The following TUSC3 variants were observed in gnomAD, a reference collection of about 807,000 sequenced individuals.
TUSC3 encodes the protein dolichyl-diphosphooligosaccharide--protein glycosyltransferase subunit TUSC3.
TUSC3 carries 45 observed loss-of-function variants against 44.8 expected under a neutral mutation model. The observed-to-expected ratio is 1.00, with a 90% CI of 0.79 to 1.29. The LOEUF (loss-of-function observed/expected upper bound fraction) is 1.29, where lower values mean the gene tolerates loss of function less well. Ranked by LOEUF, TUSC3 falls within the 50% of genes most tolerant of loss-of-function variation. The pLI is 0.00. For synonymous variants in TUSC3, 212 were observed against 152.9 expected, an observed-to-expected ratio of 1.39 and a Z score of -2.85; for missense variants, 519 against 437.9, an observed-to-expected ratio of 1.19 and a Z score of -1.65.
the TUSC3 span, among the ~76,000 whole-genome samples, chr8:15,822,603 T>C: frequency 3.9e-5 from 6 of 152,128 alleles, no homozygotes; most frequent in African/African-American, 1.2e-4. Flanking sequence ...AATGAAGATA[T>C]AGAAGAGAAG....
At chr8:15,772,373 T>C in the TUSC3 span, among the ~76,000 whole-genome samples, 1 of 152,020 alleles carries the variant, frequency 6.6e-6, no homozygotes, top group Admixed American at 6.6e-5. Context: ...CTTGCGGAAA[T>C]AAAAAGGATT....
At chr8:15,564,927 G>A (rs966364549) in intron 1 of TUSC3, among the ~76,000 whole-genome samples, 2 of 152,150 alleles carry the variant, frequency 1.3e-5, no homozygotes, top group Non-Finnish European at 2.9e-5. Context: ...GTTCTTTACA[G>A]AGAGCTGAGG....
chr8:15,469,421 C>T (rs1800455724), intron 1 of TUSC3, among the ~76,000 whole-genome samples: 4 of 152,088 alleles, frequency 2.6e-5, no homozygotes. Flanking sequence ...TATCACATGT[C>T]ATCATGAAAA....
intron 6 of TUSC3, among the ~76,000 whole-genome samples, chr8:15,706,622 G>T (rs949316539): frequency 6.6e-6 from 1 of 151,942 alleles, no homozygotes; most frequent in Non-Finnish European, 1.5e-5. Flanking sequence ...TATCAATTTC[G>T]TGTAGCTCAT....
intron 1 of TUSC3, among the ~76,000 whole-genome samples, chr8:15,607,820 A>C (rs1413978964): frequency 6.6e-6 from 1 of 152,196 alleles, no homozygotes; most frequent in Non-Finnish European, 1.5e-5. Flanking sequence ...ACTATATGCT[A>C]TTAAAAATGT....
chr8:15,492,528 T>G (rs967681640), intron 2 of TUSC3, among the ~76,000 whole-genome samples: 6 of 152,306 alleles, frequency 3.9e-5, no homozygotes, highest in Admixed American at 2.6e-4. Context: ...ACTGAAGACT[T>G]GAGGTGGTAA....
intron 9 of TUSC3, among the ~76,000 whole-genome samples, chr8:15,752,944 T>G (rs576336369): frequency 6.6e-6 from 1 of 152,064 alleles, no homozygotes. Flanking sequence ...AAAACTTCCT[T>G]ATTCTTGAAC....
upstream of TUSC3, among the ~76,000 whole-genome samples, chr8:15,539,783 G>A (rs1211475820): frequency 5.3e-5 from 8 of 152,140 alleles, no homozygotes; most frequent in Admixed American, 5.2e-4. Context: ...GAATGAAGTG[G>A]AGTCTAGGTT....
At chr8:15,619,237 T>C (rs1805133337) in intron 1 of TUSC3, among the ~76,000 whole-genome samples, 1 of 152,220 alleles carries the variant, frequency 6.6e-6, no homozygotes, top group Admixed American at 6.5e-5. Flanking sequence ...TTTATTGTTA[T>C]TCCAGAACAT....
intron 3 of TUSC3, among the ~76,000 whole-genome samples, chr8:15,658,459 G>C (rs1400374156): frequency 6.6e-6 from 1 of 151,966 alleles, no homozygotes; most frequent in African/African-American, 2.4e-5. Flanking sequence ...TGTATCGTTT[G>C]CTTGATATCA....
rs967490278 is a variant in TUSC3, at chr8:15,609,562, G to C, written c.139-13518G>C. 2.0e-5 allele frequency among the ~76,000 whole-genome samples: 3 copies of C among 152,014 alleles called. No homozygotes were observed. In the South Asian group the frequency reaches 6.2e-4, roughly 32 times the overall value. On this transcript the variant is annotated intron_variant, in intron 1 of 10. Transcript: ENST00000503731. Reference sequence around the variant, plus strand: ...AAGAAAAATGGTGACAGAAGCTAATGCAGTGGTGGAAAAAAAAATGGGAAG... The same window carrying C: ...AAGAAAAATGGTGACAGAAGCTAATCCAGTGGTGGAAAAAAAAATGGGAAG...
chr8:15,685,203 G>C (rs1316189912), intron 6 of TUSC3, among the ~76,000 whole-genome samples: 2 of 152,068 alleles, frequency 1.3e-5, no homozygotes, highest in African/African-American at 2.4e-5. Flanking sequence ...TGGGGGTCTT[G>C]GGAAACCTGT....
intron 2 of TUSC3, among the ~76,000 whole-genome samples, chr8:15,488,133 C>G (rs1408075835): frequency 6.6e-6 from 1 of 152,040 alleles, no homozygotes; most frequent in Non-Finnish European, 1.5e-5. Context: ...TAAGTCCCCT[C>G]TTTATTGAAG....
intron 1 of TUSC3, among the ~76,000 whole-genome samples, chr8:15,589,347 A>G (rs1253912874): frequency 1.3e-5 from 2 of 152,194 alleles, no homozygotes; most frequent in African/African-American, 2.4e-5. Context: ...AGATCCTGAA[A>G]TGATCCATAC....
chr8:15,811,201 A>T, the TUSC3 span, among the ~76,000 whole-genome samples: 1 of 152,342 alleles, frequency 6.6e-6, no homozygotes, highest in African/African-American at 2.4e-5. Context: ...TGAAGCTAAC[A>T]AGCAGCTCCC....
At chr8:15,474,628 C>T (rs1453829118) in intron 1 of TUSC3, among the ~76,000 whole-genome samples, 1 of 152,102 alleles carries the variant, frequency 6.6e-6, no homozygotes, top group Admixed American at 6.6e-5. Flanking sequence ...TCAGTAAAGA[C>T]AATGCATCAT....
rs532395432 is a variant in TUSC3, at chr8:15,451,652, T to A, written n.92-31734T>A. Reference sequence around the variant, plus strand: ...GTTGTATCCTCTTAGAATAAAAGAGTAATAGTAATTGAACCTGAGGAAGGG... The same window carrying A: ...GTTGTATCCTCTTAGAATAAAAGAGAAATAGTAATTGAACCTGAGGAAGGG... On this transcript the variant is annotated intron_variant and non_coding_transcript_variant, in intron 1 of 5. Coordinates refer to the TUSC3 transcript ENST00000503191. Among the ~76,000 whole-genome samples the A allele has an allele frequency of 6.6e-5, 10 of 152,118 alleles. No homozygotes were observed. The East Asian group carries it at 1.9e-3, about 29-fold the overall frequency.
rs186120982 is a variant in TUSC3, at chr8:15,523,948, C to T, written n.189+40465C>T. The stretch of plus-strand genomic sequence containing the variant: ...GCGCGCACCTGTAGTCCCATCTACT[C>T]GGGAGGCTGAGGCAGGAGAATCACT... On this transcript the variant is annotated intron_variant and non_coding_transcript_variant, in intron 2 of 5. Coordinates refer to the TUSC3 transcript ENST00000503191. Among the ~76,000 whole-genome samples the T allele has an allele frequency of 1.1e-4, 16 of 150,108 alleles. No individual in the cohort carries two copies. In the East Asian group the frequency reaches 1.4e-3, roughly 13 times the overall value.
At chr8:15,668,687 A>G (rs984319775) in intron 5 of TUSC3, among the ~76,000 whole-genome samples, 2 of 151,798 alleles carry the variant, frequency 1.3e-5, no homozygotes, top group East Asian at 3.9e-4. Flanking sequence ...TTCCAAAAGG[A>G]CTAGCTTTGA....
Sources: allele counts gnomAD v4.1 joint callset (sites outside exome capture counted in the v4.1 genomes callset), GRCh38; gene constraint gnomAD v4.1.1; transcripts MANE v1.5; gene names NCBI Gene and HGNC (gene_info 2026-07-23, HGNC 2026-07-21).